PHC3: variants seen among roughly 807,000 people sequenced by gnomAD.
PHC3 encodes the protein polyhomeotic-like protein 3.
PHC3 carries 13 observed loss-of-function variants against 107.4 expected under a neutral mutation model. The ratio of observed to expected loss-of-function variants is 0.12; its 90% confidence interval spans 0.08 to 0.19. The LOEUF (loss-of-function observed/expected upper bound fraction) is 0.19, where lower values mean the gene tolerates loss of function less well. Ranked by LOEUF, PHC3 falls within the 10% of genes least tolerant of loss-of-function variation. The pLI, the probability that PHC3 is intolerant of heterozygous loss-of-function variation, is 1.00. For missense variants in PHC3, 992 were observed against 1,210.9 expected (o/e 0.82, Z 2.68); for synonymous variants, 456 against 427.4 (o/e 1.07, Z -0.83).
At chr3:170,154,137 TC>T (rs1726500904) in intron 4 of PHC3, among the ~76,000 whole-genome samples, 1 of 152,184 alleles carries the variant, frequency 6.6e-6, no homozygotes, top group South Asian at 2.1e-4. Context: ...AATAATAATT[TC>T]TTTAAGGGTG....
chr3:170,162,500 T>C lies in PHC3; in HGVS notation c.414+8873A>G, dbSNP rs77671416. Among the ~76,000 whole-genome samples the C allele has an allele frequency of 1.9e-3, 294 of 152,314 alleles. 5 individuals carry two copies. In the East Asian group the frequency reaches 0.029, roughly 15 times the overall value. The stretch of plus-strand genomic sequence containing the variant: ...GCATCCGCATATCTTGTGTTAGCTC[T>C]CCTTTCAAAACATATCCAAATTTCT... On this transcript the variant is annotated intron_variant, in intron 4 of 14. Transcript: ENST00000495893.
chr3:170,127,975 A>G (rs941500061), intron 8 of PHC3, among the ~76,000 whole-genome samples: 4 of 152,042 alleles, frequency 2.6e-5, no homozygotes, highest in Non-Finnish European at 5.9e-5. Flanking sequence ...GGATTTTTTC[A>G]TCCTCAGTAT....
intron 9 of PHC3, among the ~76,000 whole-genome samples, chr3:170,117,770 G>C (rs953774570): frequency 7.2e-5 from 11 of 151,824 alleles, no homozygotes; most frequent in African/African-American, 2.7e-4. Context: ...GGTCAAGGTG[G>C]GTGGATCACC....
At chr3:170,108,395 T>TA (rs1422768139) in intron 11 of PHC3, among the ~76,000 whole-genome samples, 4 of 152,076 alleles carry the variant, frequency 2.6e-5, no homozygotes, top group Non-Finnish European at 5.9e-5. Flanking sequence ...CAAGAACTAC[T>TA]AAAAAAACAA....
At chr3:170,168,540 T>C (rs1273602) in intron 4 of PHC3, among the ~76,000 whole-genome samples, 147,572 of 152,134 alleles carry the variant, frequency 0.97, 71,600 homozygotes, top group East Asian at 1. Context: ...CCGAGGCAGG[T>C]GGATCACAAG....
intron 7 of PHC3, among the ~76,000 whole-genome samples, chr3:170,131,237 T>C (rs1273661451): frequency 2.0e-5 from 3 of 151,892 alleles, no homozygotes; most frequent in Non-Finnish European, 4.4e-5. Flanking sequence ...GAAAATTTTA[T>C]GTCAGTCTTT....
intron 11 of PHC3, among the ~76,000 whole-genome samples, chr3:170,113,061 T>C (rs189559096): frequency 1.3e-5 from 2 of 152,314 alleles, no homozygotes; most frequent in Admixed American, 1.3e-4. Context: ...AGAAAATTGA[T>C]TGTTTTGATA....
chr3:170,124,112 T>C (rs555588261), intron 8 of PHC3, among the ~76,000 whole-genome samples: 2 of 152,242 alleles, frequency 1.3e-5, no homozygotes, highest in Non-Finnish European at 2.9e-5. Flanking sequence ...CCTCCCAAAG[T>C]GCTGGGATTA....
chr3:170,155,625 G>A (rs1000999800), intron 4 of PHC3, among the ~76,000 whole-genome samples: 1 of 151,946 alleles, frequency 6.6e-6, no homozygotes, highest in East Asian at 1.9e-4. Flanking sequence ...AGGCGGCTGA[G>A]CTGGGAGATC....
At chr3:170,135,662 A>G (rs1722957622) in intron 7 of PHC3, among the ~76,000 whole-genome samples, 1 of 151,758 alleles carries the variant, frequency 6.6e-6, no homozygotes, top group African/African-American at 2.4e-5. Flanking sequence ...TGTACTAAAG[A>G]AGGTCAGGAA....
chr3:170,102,367 C>T (rs1560019601), intron 14 of PHC3, 112 bp downstream of exon 14: 16 of 1,495,884 alleles, frequency 1.1e-5, no homozygotes, highest in East Asian at 2.5e-5. Context: ...TTTATTTATA[C>T]ATATACACAG....
rs1277543427 is a variant in PHC3 at position 170,143,354 on chromosome 3, A to G, written c.672+2069T>C. Among the ~76,000 whole-genome samples, 4 of 152,346 alleles carry G rather than the reference A, an allele frequency of 2.6e-5. No homozygotes were observed. In the East Asian group the frequency reaches 7.7e-4, roughly 29 times the overall value. On this transcript the variant is annotated intron_variant, in intron 6 of 14. Coordinates refer to ENST00000495893, the MANE Select transcript of PHC3 (RefSeq NM_024947.4). ...AAAAGTCCAATAAAGTTAACTGTAG[A>G]GAATGCCAGGGCAAGTTAGAAGAAA...
At chr3:170,106,170 C>G (rs12632215) in intron 12 of PHC3, among the ~76,000 whole-genome samples, 3,086 of 152,232 alleles carry the variant, frequency 0.02, 95 homozygotes, top group East Asian at 0.16. Flanking sequence ...CGAGACGGCA[C>G]CACTGCACTC....
intron 11 of PHC3, among the ~76,000 whole-genome samples, chr3:170,111,570 G>C (rs1394876084): frequency 6.6e-6 from 1 of 152,164 alleles, no homozygotes; most frequent in Non-Finnish European, 1.5e-5. Context: ...TGTTGAGTCT[G>C]GGTGACTGGG....
At chr3:170,171,318 G>T (rs9681631) in intron 4 of PHC3, 55 bp downstream of exon 4, 1 of 1,282,182 alleles carries the variant, frequency 7.8e-7, no homozygotes. Context: ...GTTTACTTTT[G>T]GAAAACAATT....
At chr3:170,178,166 CG>C (rs1388522594) in intron 2 of PHC3, among the ~76,000 whole-genome samples, 2 of 140,870 alleles carry the variant, frequency 1.4e-5, no homozygotes. Context: ...TTTTTTGAGA[CG>C]GAGTCTCGTT....
chr3:170,167,255 C>G (rs993080397), intron 4 of PHC3, among the ~76,000 whole-genome samples: 1 of 152,104 alleles, frequency 6.6e-6, no homozygotes. Flanking sequence ...CTCAAGCAAG[C>G]CTCCCACCTC....
chr3:170,163,057 T>A (rs1560117621), intron 4 of PHC3, among the ~76,000 whole-genome samples: 1 of 152,240 alleles, frequency 6.6e-6, no homozygotes, highest in Non-Finnish European at 1.5e-5. Context: ...ACTTGTTTAA[T>A]GTTCGTCTAT....
intron 14 of PHC3, among the ~76,000 whole-genome samples, chr3:170,099,803 A>G (rs946269983): frequency 6.6e-6 from 1 of 152,238 alleles, no homozygotes; most frequent in African/African-American, 2.4e-5. Flanking sequence ...TACTGATATT[A>G]CAAAAACCAG....
Sources: gnomAD v4.1 joint callset for allele counts (sites outside exome capture counted in the v4.1 genomes callset) on GRCh38, gnomAD v4.1.1 for gene constraint, MANE v1.5 for transcripts, NCBI Gene and HGNC (gene_info 2026-07-23, HGNC 2026-07-21) for gene names.